CD99: variants seen among roughly 807,000 people sequenced by gnomAD.
CD99 encodes CD99 antigen.
In CD99, 19 loss-of-function variants were observed where a neutral mutation model predicts 28.4. The observed-to-expected ratio is 0.67, with a 90% confidence interval of 0.47 to 0.98. CD99 has a LOEUF of 0.98. Ranked by LOEUF, CD99 falls within the 50% of genes least tolerant of loss-of-function variation. The pLI is 0.00. For missense variants in CD99, 283 were observed against 248.8 expected, an observed-to-expected ratio of 1.14 and a Z score of -0.92; for synonymous variants, 103 against 92.1, an observed-to-expected ratio of 1.12 and a Z score of -0.67.
chrX:2,726,527 T>C (rs2049294080), intron 8 of CD99, 154 bp downstream of exon 8: 1 of 701,082 alleles, frequency 1.4e-6, no homozygotes, highest in East Asian at 2.7e-5. Flanking sequence ...AATCGAACCT[T>C]CTGGCTTTGA....
chrX:2,703,439 C>G (rs748692411), intron 1 of CD99, among the ~76,000 whole-genome samples: 227 of 152,160 alleles, frequency 1.5e-3, no homozygotes, highest in African/African-American at 5.2e-3. Flanking sequence ...AACAGAAACC[C>G]ACATAAAACG....
At chrX:2,708,045 G>A (rs905847245) in intron 1 of CD99, among the ~76,000 whole-genome samples, 1 of 152,060 alleles carries the variant, frequency 6.6e-6, no homozygotes, top group African/African-American at 2.4e-5. Flanking sequence ...TCATTGATTG[G>A]GTTTGCTTCC....
In CD99 at chrX:2,732,622, T is replaced by C. The variant is rs191205431; in HGVS notation, c.476-5578T>C. Among the ~76,000 whole-genome samples, 11 of 136,458 alleles carry C rather than the reference T, an allele frequency of 8.1e-5. No homozygotes were observed. The East Asian group carries it at 4.6e-3, about 57-fold the overall frequency. 89.5% of individuals were successfully genotyped at this position (136,458 alleles called of 152,430 possible). A position where few individuals can be genotyped will look rare whatever the true frequency, so the allele number is the denominator to read the frequency against. ...CCTCTTTCTTCCTCCCTCCCTCCCT[T>C]CTTCTTTTCCTCCTTTTCCTTTTTC... On this transcript the variant is annotated intron_variant, in intron 8 of 9. Transcript: ENST00000381192.
At chrX:2,707,662 G>A (rs935955067) in intron 1 of CD99, among the ~76,000 whole-genome samples, 31 of 152,202 alleles carry the variant, frequency 2.0e-4, no homozygotes, top group African/African-American at 7.5e-4. Context: ...AGGGCCGGGT[G>A]GAAACAGCAG....
Position 2,714,441 on chromosome X carries a change from C to G in CD99, c.87C>G (p.Ser29=), listed in dbSNP as rs1136447. 6 of 1,598,136 alleles carry G rather than the reference C, an allele frequency of 3.8e-6. No individual in the cohort carries two copies. The East Asian group carries it at 8.9e-5, about 24-fold the overall frequency. The change falls in exon 2 of 10, where the codon TCC becomes TCG. Residue 29 remains serine (S), a synonymous_variant. Coordinates refer to ENST00000381192, the MANE Select transcript of CD99 (RefSeq NM_002414.5). ...TCTTAGATGGTGGTTTCGATTTATC[C>G]GATGCCCTTCCTGGTGAGTATCAAC... The part of the protein sequence containing the change: ...VAAPDGGFDL[S]DALPDNENKK...
rs6642006 is a variant in CD99 at position 2,730,043 on chromosome X, A to G, written c.475+3670A>G. Among the ~76,000 whole-genome samples, 151 of 151,230 alleles carry G rather than the reference A, an allele frequency of 1.0e-3. 2 individuals carry two copies. In the East Asian group the frequency reaches 0.028, roughly 28 times the overall value. On this transcript the variant is annotated intron_variant, in intron 8 of 9. Coordinates refer to ENST00000381192, the MANE Select transcript of CD99 (RefSeq NM_002414.5). ...CTTGCGCCTGCCTGTGGTCCCAACT[A>G]CTCTGGAGGCCGAGGTGTGAGGATT...
intron 1 of CD99, among the ~76,000 whole-genome samples, chrX:2,712,904 AAC>A (rs902075523): frequency 3.0e-4 from 45 of 152,086 alleles, no homozygotes; most frequent in East Asian, 1.5e-3. Context: ...TGTGCACACA[AAC>A]ACATGCATAC....
In CD99 at chrX:2,717,536, A is replaced by G. The variant is rs1313335629; in HGVS notation, c.101-69A>G. ...TTTCCAAGAAAATGAAACATCCTTA[A>G]CCACAAAAGAGTTGACACTTGTTTT... On this transcript the variant is annotated intron_variant, in intron 2 of 9. Transcript: ENST00000381192. 4 of 1,230,544 alleles carry G rather than the reference A, an allele frequency of 3.3e-6. No homozygotes were observed. The East Asian group carries it at 9.3e-5, about 29-fold the overall frequency. 76.2% of individuals were successfully genotyped at this position (1,230,544 alleles called of 1,614,324 possible). A position where few individuals can be genotyped will look rare whatever the true frequency, so the allele number is the denominator to read the frequency against.
At chrX:2,737,093 G>A (rs2049983062) in intron 8 of CD99, among the ~76,000 whole-genome samples, 1 of 152,046 alleles carries the variant, frequency 6.6e-6, no homozygotes, top group African/African-American at 2.4e-5. Flanking sequence ...AGGATGATTG[G>A]TGGAGGTGGG....
Position 2,691,329 on chromosome X carries a change from C to G in CD99, c.-32C>G, listed in dbSNP as rs778030103. 3.9e-6 allele frequency: 6 copies of G among 1,532,644 alleles called. No individual in the cohort carries two copies. The African/African-American group carries it at 7.1e-5, about 18-fold the overall frequency. 94.9% of individuals were successfully genotyped at this position (1,532,644 alleles called of 1,614,324 possible). On this transcript the variant is annotated 5_prime_UTR_variant, in exon 1 of 10. Transcript: ENST00000381192. ...GCCGCCTTCGCCCACGCCCTGCACT[C>G]CGGGACCGTCCCTGCGCGCTCTGGG...
chrX:2,697,982 G>T (rs1164030585), intron 1 of CD99, among the ~76,000 whole-genome samples: 2 of 151,752 alleles, frequency 1.3e-5, no homozygotes, highest in Non-Finnish European at 2.9e-5. Flanking sequence ...GGCAATGAAG[G>T]TAGAGGCCCC....
chrX:2,716,358 A>T (rs1209321336), intron 2 of CD99, among the ~76,000 whole-genome samples: 1 of 150,856 alleles, frequency 6.6e-6, no homozygotes, highest in African/African-American at 2.4e-5. Context: ...TTTTTCTGAG[A>T]CACTGTCTCG....
intron 1 of CD99, among the ~76,000 whole-genome samples, chrX:2,712,801 A>G (rs1450803061): frequency 6.6e-6 from 1 of 152,098 alleles, no homozygotes; most frequent in Non-Finnish European, 1.5e-5. Flanking sequence ...ACATACAAGC[A>G]GACGTGGACA....
At chrX:2,714,025 AT>A (rs2048569478) in intron 1 of CD99, among the ~76,000 whole-genome samples, 1 of 152,116 alleles carries the variant, frequency 6.6e-6, no homozygotes, top group African/African-American at 2.4e-5. Context: ...TGTTTCTACT[AT>A]ATTTTGGTTT....
At chrX:2,710,382 T>C (rs946661233) in intron 1 of CD99, among the ~76,000 whole-genome samples, 2 of 152,290 alleles carry the variant, frequency 1.3e-5, no homozygotes, top group Admixed American at 6.5e-5. Context: ...TTTAAGGGGA[T>C]TGTCCTATGT....
At chrX:2,706,814 T>A (rs921238193) in intron 1 of CD99, among the ~76,000 whole-genome samples, 32 of 152,088 alleles carry the variant, frequency 2.1e-4, no homozygotes, top group Non-Finnish European at 4.1e-4. Context: ...CCTAATTTTT[T>A]TTAATTAATT....
chrX:2,691,884 C>G, intron 1 of CD99: 1 of 779,176 alleles, frequency 1.3e-6, no homozygotes, highest in Non-Finnish European at 2.4e-6. Context: ...TTTGGAATCG[C>G]TAGGAGCCTG....
chrX:2,738,419 A>C lies in CD99; in HGVS notation c.532+163A>C, dbSNP rs1240438227. The stretch of plus-strand genomic sequence containing the variant: ...GTTGCTTTGGAGGGATACTTTCAAA[A>C]GACAATGAATGTGTAAACTTCCTAG... On this transcript the variant is annotated intron_variant, in intron 9 of 9. Transcript: ENST00000381192. 5 of 185,976 alleles carry C rather than the reference A, an allele frequency of 2.7e-5. No individual in the cohort carries two copies. In the East Asian group the frequency reaches 9.4e-4, roughly 35 times the overall value. 11.5% of individuals were successfully genotyped at this position (185,976 alleles called of 1,614,324 possible). A position where few individuals can be genotyped will look rare whatever the true frequency, so the allele number is the denominator to read the frequency against.
intron 8 of CD99, among the ~76,000 whole-genome samples, chrX:2,734,546 A>G (rs1003651355): frequency 1.3e-5 from 2 of 151,264 alleles, no homozygotes; most frequent in African/African-American, 4.9e-5. Context: ...ACTTCAGGTG[A>G]TCTGCCTGCC....
Sources: allele counts gnomAD v4.1 joint callset (sites outside exome capture counted in the v4.1 genomes callset), GRCh38; gene constraint gnomAD v4.1.1; transcripts MANE v1.5; gene names NCBI Gene and HGNC (gene_info 2026-07-23, HGNC 2026-07-21).